CTNNA3: variants seen among roughly 807,000 people sequenced by gnomAD.
The protein encoded by CTNNA3 is catenin alpha 3.
Under a neutral mutation model 95.7 loss-of-function variants are expected in CTNNA3, and 76 were observed. The ratio of observed to expected loss-of-function variants is 0.79; its 90% CI spans 0.66 to 0.96. The LOEUF is 0.96. Ranked by LOEUF, CTNNA3 falls within the 40% of genes least tolerant of loss-of-function variation. The probability of loss-of-function intolerance (pLI) is 0.00; values close to 1 mark genes in which losing one functional copy is unlikely to be tolerated. For missense variants in CTNNA3, 1,191 were observed against 1,089.8 expected, an observed-to-expected ratio of 1.09 and a Z score of -1.31; for synonymous variants, 431 against 374.4, an observed-to-expected ratio of 1.15 and a Z score of -1.74.
intron 5 of CTNNA3, among the ~76,000 whole-genome samples, chr10:67,403,835 T>C (rs1845023542): frequency 6.6e-6 from 1 of 152,238 alleles, no homozygotes; most frequent in Non-Finnish European, 1.5e-5. Flanking sequence ...AGTACTTCTC[T>C]GGGACAGAGC....
At chr10:67,119,349 T>C (rs1859351681) in intron 7 of CTNNA3, among the ~76,000 whole-genome samples, 1 of 151,932 alleles carries the variant, frequency 6.6e-6, no homozygotes, top group Non-Finnish European at 1.5e-5. Flanking sequence ...CGTTAACCAT[T>C]GTTTGAGCTA....
intron 11 of CTNNA3, among the ~76,000 whole-genome samples, chr10:66,421,205 T>C (rs138058974): frequency 1.2e-4 from 19 of 152,226 alleles, no homozygotes; most frequent in African/African-American, 4.1e-4. Flanking sequence ...CTAAAAAGAT[T>C]GATCTGATAA....
At chr10:66,582,129 A>AT (rs1843209980) in intron 10 of CTNNA3, among the ~76,000 whole-genome samples, 1 of 151,558 alleles carries the variant, frequency 6.6e-6, no homozygotes, top group Non-Finnish European at 1.5e-5. Context: ...TATTTGGGCT[A>AT]TTTTTTGGTT....
chr10:66,343,026 G>C (rs562319141), intron 12 of CTNNA3, among the ~76,000 whole-genome samples: 1 of 152,058 alleles, frequency 6.6e-6, no homozygotes, highest in African/African-American at 2.4e-5. Flanking sequence ...TAAGCACTTT[G>C]CCTAAAGATG....
chr10:66,175,794 T>C (rs2085675545), intron 13 of CTNNA3, among the ~76,000 whole-genome samples: 1 of 152,146 alleles, frequency 6.6e-6, no homozygotes. Context: ...ACCACAAAAA[T>C]GCCATTATTC....
At chr10:65,998,411 G>C (rs1240832781) in intron 15 of CTNNA3, among the ~76,000 whole-genome samples, 1 of 152,026 alleles carries the variant, frequency 6.6e-6, no homozygotes, top group African/African-American at 2.4e-5. Context: ...TTATCTGAAT[G>C]AATGTAGCTG....
intron 12 of CTNNA3, among the ~76,000 whole-genome samples, chr10:66,369,554 G>C (rs888166625): frequency 3.9e-5 from 6 of 152,052 alleles, no homozygotes; most frequent in Admixed American, 2.6e-4. Flanking sequence ...TGTGCGCAAC[G>C]TGCAGGTTAG....
At chr10:67,727,833 A>G (rs1262932269) in intron 1 of CTNNA3, among the ~76,000 whole-genome samples, 1 of 129,936 alleles carries the variant, frequency 7.7e-6, no homozygotes, top group Non-Finnish European at 1.5e-5. Context: ...TATATTACAT[A>G]TAATATAGTA....
intron 5 of CTNNA3, among the ~76,000 whole-genome samples, chr10:67,430,045 T>C (rs1846058320): frequency 6.6e-6 from 1 of 151,882 alleles, no homozygotes; most frequent in Non-Finnish European, 1.5e-5. Flanking sequence ...GTGAGAAGAG[T>C]ATATTACTTT....
chr10:66,158,367 T>C (rs2084660608), intron 13 of CTNNA3, among the ~76,000 whole-genome samples: 1 of 152,152 alleles, frequency 6.6e-6, no homozygotes, highest in African/African-American at 2.4e-5. Flanking sequence ...TTCTCCTACA[T>C]GTGGCTAGCC....
intron 7 of CTNNA3, among the ~76,000 whole-genome samples, chr10:67,137,371 T>A (rs1860350889): frequency 6.6e-6 from 1 of 152,148 alleles, no homozygotes; most frequent in African/African-American, 2.4e-5. Flanking sequence ...ATTGAGCCTA[T>A]CATGTTTTAA....
intron 5 of CTNNA3, among the ~76,000 whole-genome samples, chr10:67,262,939 G>A (rs1195474773): frequency 1.3e-5 from 2 of 152,102 alleles, no homozygotes; most frequent in African/African-American, 4.8e-5. Context: ...TCAGTCTTCA[G>A]TGAGAAAATA....
intron 7 of CTNNA3, among the ~76,000 whole-genome samples, chr10:67,022,574 A>T (rs940491699): frequency 6.6e-6 from 1 of 152,232 alleles, no homozygotes; most frequent in African/African-American, 2.4e-5. Flanking sequence ...GTAAGGTTGC[A>T]GTGTACAAAG....
intron 6 of CTNNA3, among the ~76,000 whole-genome samples, chr10:67,217,526 C>T (rs1864431935): frequency 1.3e-5 from 2 of 152,136 alleles, no homozygotes; most frequent in African/African-American, 4.8e-5. Flanking sequence ...ACTGAGTCTG[C>T]CTTTCTTAAG....
intron 7 of CTNNA3, chr10:67,054,630 A>C (rs1023564568): frequency 6.6e-5 from 10 of 152,210 alleles, no homozygotes; most frequent in African/African-American, 2.4e-4. Context: ...AATATGATGC[A>C]GTATTTCCAA....
At chr10:66,813,701 A>G (rs891617669) in intron 7 of CTNNA3, among the ~76,000 whole-genome samples, 2 of 152,196 alleles carry the variant, frequency 1.3e-5, no homozygotes, top group African/African-American at 4.8e-5. Flanking sequence ...CTGCCCTTGA[A>G]GGGATCATAG....
rs12218521 is a variant in CTNNA3 at position 67,380,386 on chromosome 10, A to G, written c.579+141456T>C. On this transcript the variant is annotated intron_variant, in intron 5 of 17. Transcript: ENST00000433211. ...CATGAAAGATTATTCAATAAATAAA[A>G]GAATATTCCTGGAGATTAACTGTAA... 0.018 allele frequency among the ~76,000 whole-genome samples: 2,689 copies of G among 152,318 alleles called. 212 individuals are homozygous for G. In the East Asian group the frequency reaches 0.22, roughly 12 times the overall value.
intron 13 of CTNNA3, among the ~76,000 whole-genome samples, chr10:66,202,884 C>T (rs1349690835): frequency 6.6e-6 from 1 of 152,148 alleles, no homozygotes; most frequent in African/African-American, 2.4e-5. Flanking sequence ...TAATCATGTA[C>T]TAAATGTATA....
intron 7 of CTNNA3, among the ~76,000 whole-genome samples, chr10:66,878,287 C>T (rs1304637636): frequency 6.6e-6 from 1 of 152,080 alleles, no homozygotes; most frequent in Non-Finnish European, 1.5e-5. Flanking sequence ...CTAAATCCGG[C>T]TCACGGCAGC....
Sources: gnomAD v4.1 joint callset for allele counts (sites outside exome capture counted in the v4.1 genomes callset) on GRCh38, gnomAD v4.1.1 for gene constraint, MANE v1.5 for transcripts, NCBI Gene and HGNC (gene_info 2026-07-23, HGNC 2026-07-21) for gene names.